COPZ1: variants seen among roughly 807,000 people sequenced by gnomAD.
COPZ1 encodes the protein coat protein complex I subunit zeta 1, also known as coatomer subunit zeta-1.
In COPZ1, 4 loss-of-function variants were observed where a neutral mutation model predicts 31.7. The ratio of observed to expected loss-of-function variants is 0.13; its 90% confidence interval spans 0.06 to 0.29. COPZ1 has a LOEUF of 0.29. COPZ1 is among the 10% of genes least tolerant of loss of function. The probability of loss-of-function intolerance (pLI) is 1.00; values close to 1 mark genes in which losing one functional copy is unlikely to be tolerated. For synonymous variants in COPZ1, 74 were observed against 79.0 expected, an observed-to-expected ratio of 0.94 and a Z score of 0.33; for missense variants, 156 against 211.5, an observed-to-expected ratio of 0.74 and a Z score of 1.63.
chr12:54,326,244 A>G (rs997468560), intron 1 of COPZ1, among the ~76,000 whole-genome samples: 1 of 150,092 alleles, frequency 6.7e-6, no homozygotes, highest in Non-Finnish European at 1.5e-5. Context: ...GGTTCACGCC[A>G]TTCTTCTGCC....
intron 5 of COPZ1, 36 bp from the exon 6 acceptor site, chr12:54,347,731 A>G: frequency 6.3e-7 from 1 of 1,587,620 alleles, no homozygotes; most frequent in Non-Finnish European, 8.6e-7. Context: ...TTCACATACA[A>G]GTTGGTTATT....
chr12:54,335,874 C>A (rs1953854572), intron 1 of COPZ1, among the ~76,000 whole-genome samples: 2 of 151,806 alleles, frequency 1.3e-5, no homozygotes, highest in African/African-American at 4.8e-5. Context: ...GAGACAGGGT[C>A]TCACTGTGTT....
chr12:54,344,778 G>A (rs1182028471), intron 4 of COPZ1: 1 of 151,948 alleles, frequency 6.6e-6, no homozygotes, highest in African/African-American at 2.4e-5. Flanking sequence ...TTTGAGACAG[G>A]GTCTTGTTCT....
chr12:54,341,674 G>A (rs1953975837), intron 2 of COPZ1, among the ~76,000 whole-genome samples: 1 of 152,230 alleles, frequency 6.6e-6, no homozygotes, highest in South Asian at 2.1e-4. Flanking sequence ...AATGGGCTCA[G>A]TGGTATGCTG....
rs1954044984 is a variant in COPZ1 at position 54,345,440 on chromosome 12, C to T, written c.262-20C>T. The T allele has an allele frequency of 6.2e-7, 1 of 1,607,174 alleles. No homozygotes were observed. Among genetic ancestry groups the T allele is most frequent in the Non-Finnish European group, 8.5e-7 (1 of 1,174,018 alleles). On this transcript the variant is annotated intron_variant, in intron 4 of 8. Coordinates refer to ENST00000262061, the MANE Select transcript of COPZ1 (RefSeq NM_016057.3). ...CAGGGCCTTGAACCTTATCCTTCTG[C>T]CTCCTCTGTTTCCCAACAGCTGATG...
rs1261895145 is a variant in COPZ1 at position 54,349,816 on chromosome 12, G to A, written c.486+158G>A. 5.4e-6 allele frequency: 4 copies of A among 738,170 alleles called. No individual in the cohort carries two copies. The African/African-American group carries it at 6.8e-5, about 13-fold the overall frequency. 45.7% of individuals were successfully genotyped at this position (738,170 alleles called of 1,614,324 possible). A position where few individuals can be genotyped will look rare whatever the true frequency, so the allele number is the denominator to read the frequency against. ...CAGAGAACTGGGACTCATACAGCCAGCCACTCCCTACCCCTACTTCCAACT... is the reference window on the plus strand; with the variant it reads ...CAGAGAACTGGGACTCATACAGCCAACCACTCCCTACCCCTACTTCCAACT... On this transcript the variant is annotated intron_variant, in intron 8 of 8. Transcript: ENST00000262061.
intron 6 of COPZ1, 39 bp downstream of exon 6, chr12:54,347,883 C>T (rs770041929): frequency 2.1e-5 from 34 of 1,607,678 alleles, no homozygotes; most frequent in South Asian, 1.8e-4. Context: ...GGTGAGGTGG[C>T]GGGATAACTG....
chr12:54,335,181 CA>C (rs556631294), intron 1 of COPZ1, among the ~76,000 whole-genome samples: 27,276 of 88,588 alleles, frequency 0.31, 2,632 homozygotes, highest in East Asian at 0.44. Flanking sequence ...GAAACTCTGT[CA>C]AAAAAAAAAA....
intron 5 of COPZ1, chr12:54,346,740 C>G (rs1439859195): frequency 1.5e-6 from 1 of 683,952 alleles, no homozygotes; most frequent in African/African-American, 1.8e-5. Flanking sequence ...CCTGTAGTCT[C>G]AGCTACTTGG....
At chr12:54,345,956 CAAAA>C (rs776353254) in intron 5 of COPZ1, among the ~76,000 whole-genome samples, 1 of 96,732 alleles carries the variant, frequency 1.0e-5, no homozygotes. Flanking sequence ...GACTCTGTCT[CAAAA>C]AAAAAAAAAA....
chr12:54,344,167 T>C (rs1424544724), intron 4 of COPZ1, among the ~76,000 whole-genome samples: 3 of 152,212 alleles, frequency 2.0e-5, no homozygotes, highest in Non-Finnish European at 4.4e-5. Context: ...TTTTGAGACA[T>C]AGGCCGAACG....
Position 54,326,961 on chromosome 12 carries a change from C to CTTTTTTTTTTTT in COPZ1, c.18+1806_18+1817dup, listed in dbSNP as rs60827109. Among the ~76,000 whole-genome samples, 26 of 43,564 alleles carry CTTTTTTTTTTTT rather than the reference C, an allele frequency of 6.0e-4. 10 individuals are homozygous for CTTTTTTTTTTTT. Among genetic ancestry groups the CTTTTTTTTTTTT allele is most frequent in the African/African-American group, 1.2e-3 (12 of 10,014 alleles). 28.6% of individuals were successfully genotyped at this position (43,564 alleles called of 152,430 possible). A position where few individuals can be genotyped will look rare whatever the true frequency, so the allele number is the denominator to read the frequency against. Reference sequence around the variant, plus strand: ...CTGTACCAAGCAGTTAACAAGTATTCTTTTTTTTTTTTTTTTTTTTTTTTT... The same window carrying CTTTTTTTTTTTT: ...CTGTACCAAGCAGTTAACAAGTATTCTTTTTTTTTTTTTTTTTTTTTTTTTTTTTTTTTTTTT... On this transcript the variant is annotated intron_variant, in intron 1 of 8. Coordinates refer to ENST00000262061, the MANE Select transcript of COPZ1 (RefSeq NM_016057.3).
Position 54,342,293 on chromosome 12 carries a change from T to C in COPZ1, c.169+6T>C. Reference sequence around the variant, plus strand: ...CAAGACCCATCGGACTGACAGTAGGTCATTTTCCTTTCACTACTACCCGTG... The same window carrying C: ...CAAGACCCATCGGACTGACAGTAGGCCATTTTCCTTTCACTACTACCCGTG... On this transcript the variant is annotated splice_donor_region_variant and intron_variant, in intron 3 of 8. Coordinates refer to ENST00000262061, the MANE Select transcript of COPZ1 (RefSeq NM_016057.3). The C allele has an allele frequency of 1.2e-6, 2 of 1,609,680 alleles. No homozygotes were observed. Among genetic ancestry groups the C allele is most frequent in the Non-Finnish European group, 1.7e-6 (2 of 1,176,108 alleles).
intron 2 of COPZ1, 22 bp from the exon 3 acceptor site, chr12:54,342,184 T>G: frequency 5.0e-6 from 8 of 1,587,040 alleles, no homozygotes; most frequent in Non-Finnish European, 6.9e-6. Flanking sequence ...GACCCAACCC[T>G]GTCTTCTTTC....
chr12:54,349,203 G>A (rs1362410977), intron 7 of COPZ1, among the ~76,000 whole-genome samples: 3 of 152,046 alleles, frequency 2.0e-5, no homozygotes, highest in East Asian at 3.8e-4. Flanking sequence ...ACATGCTGTC[G>A]TTACCCATCA....
chr12:54,349,166 G>C (rs944843906), intron 7 of COPZ1, among the ~76,000 whole-genome samples: 2 of 152,194 alleles, frequency 1.3e-5, no homozygotes, highest in East Asian at 3.8e-4. Flanking sequence ...TTAGGCTGCT[G>C]TTGCAGCAGT....
At chr12:54,337,964 C>T (rs1953903026) in intron 1 of COPZ1, among the ~76,000 whole-genome samples, 1 of 152,222 alleles carries the variant, frequency 6.6e-6, no homozygotes, top group African/African-American at 2.4e-5. Context: ...TATGTTCTCT[C>T]TTTGCCGGTG....
chr12:54,349,614 C>T lies in COPZ1; in HGVS notation c.448-6C>T, dbSNP rs886451338. ...CACACTAAATGCTTGTATCTCTGTG[C>T]CATAGGGTGAAGATGTCCCCCTTAC... On this transcript the variant is annotated splice_polypyrimidine_tract_variant and splice_region_variant and intron_variant, in intron 7 of 8. Coordinates refer to ENST00000262061, the MANE Select transcript of COPZ1 (RefSeq NM_016057.3). The T allele has an allele frequency of 4.3e-6, 7 of 1,611,106 alleles. No individual in the cohort carries two copies. The Admixed American group carries it at 5.0e-5, about 12-fold the overall frequency.
In COPZ1 at chr12:54,343,219, C is replaced by G. The variant is rs372947498; in HGVS notation, c.170-6C>G. The stretch of plus-strand genomic sequence containing the variant: ...CCCACTATTTTTACTTTTTTTCCCC[C>G]ACCAGGTGAAATTGCCCTCTTGGAA... On this transcript the variant is annotated splice_polypyrimidine_tract_variant and splice_region_variant and intron_variant, in intron 3 of 8. Transcript: ENST00000262061. 1.4e-5 allele frequency: 22 copies of G among 1,611,538 alleles called. No individual in the cohort carries two copies. The highest frequency in any genetic ancestry group is 1.6e-4 in the Middle Eastern group (1 of 6,080).
Sources: allele counts gnomAD v4.1 joint callset (sites outside exome capture counted in the v4.1 genomes callset), GRCh38; gene constraint gnomAD v4.1.1; transcripts MANE v1.5; gene names NCBI Gene and HGNC (gene_info 2026-07-23, HGNC 2026-07-21).